The following CACNA1S variants were observed in gnomAD, a reference collection of about 807,000 sequenced individuals.
The protein encoded by CACNA1S is voltage-dependent L-type calcium channel subunit alpha-1S.
CACNA1S carries 126 observed loss-of-function variants against 207.4 expected under a neutral mutation model. The observed-to-expected ratio is 0.61, with a 90% CI of 0.53 to 0.70. The LOEUF (loss-of-function observed/expected upper bound fraction) is 0.70, where lower values mean the gene tolerates loss of function less well. CACNA1S is among the 30% of genes least tolerant of loss of function. CACNA1S has a pLI of 0.00. For missense variants in CACNA1S, 2,349 were observed against 2,422.8 expected (o/e 0.97, Z 0.64); for synonymous variants, 960 against 932.7 (o/e 1.03, Z -0.53).
At chr1:201,040,399 G>A (rs767208872) in intron 42 of CACNA1S, 25 bp from the exon 43 acceptor site, 1 of 1,611,064 alleles carries the variant, frequency 6.2e-7, no homozygotes, top group Admixed American at 1.7e-5. Flanking sequence ...CAAAAGCAAA[G>A]ACCCCGACAG....
chr1:201,055,856 A>G (rs1660821243), intron 28 of CACNA1S, among the ~76,000 whole-genome samples: 2 of 152,228 alleles, frequency 1.3e-5, no homozygotes, highest in Non-Finnish European at 2.9e-5. Context: ...CTGTTTTGAT[A>G]TATCCAGGCT....
At chr1:201,101,815 T>C (rs1445465922) in intron 2 of CACNA1S, among the ~76,000 whole-genome samples, 3 of 152,114 alleles carry the variant, frequency 2.0e-5, no homozygotes, top group Admixed American at 6.5e-5. Flanking sequence ...ACAGCTACAT[T>C]GGTCCTCAAT....
Position 201,110,174 on chromosome 1 carries a change from T to G in CACNA1S, c.248A>C (p.Asn83Thr). 4 of 1,613,922 alleles carry G rather than the reference T, an allele frequency of 2.5e-6. No homozygotes were observed. Among genetic ancestry groups the G allele is most frequent in the Non-Finnish European group, 3.4e-6 (4 of 1,179,928 alleles). Residue 83 changes from asparagine (N) to threonine (T), a missense_variant, in exon 2 of 44, where the codon AAC becomes ACC. By Grantham distance (65) the Asn-to-Thr change is moderately conservative. Coordinates refer to ENST00000362061, the MANE Select transcript of CACNA1S (RefSeq NM_000069.3). ...PMPEDDNNSL[N>T]LGLEKLEYFF... ...AAGGGCCAATCTTACCAGGCCGAGGTTCAGAGAGTTGTTGTCATCTTCCGG... is the reference window on the plus strand; with the variant it reads ...AAGGGCCAATCTTACCAGGCCGAGGGTCAGAGAGTTGTTGTCATCTTCCGG...
chr1:201,093,446 T>G (rs565827242), intron 3 of CACNA1S, among the ~76,000 whole-genome samples: 1 of 152,352 alleles, frequency 6.6e-6, no homozygotes, highest in East Asian at 1.9e-4. Context: ...AATGTTATTA[T>G]GGCAGCCCTA....
At chr1:201,072,288 A>G (rs544128804) in intron 16 of CACNA1S, among the ~76,000 whole-genome samples, 1 of 152,082 alleles carries the variant, frequency 6.6e-6, no homozygotes, top group African/African-American at 2.4e-5. Context: ...CTCCTCTTGG[A>G]CTTTCCCACA....
chr1:201,067,450 T>A (rs1412071874), intron 19 of CACNA1S, among the ~76,000 whole-genome samples: 1 of 152,206 alleles, frequency 6.6e-6, no homozygotes, highest in Non-Finnish European at 1.5e-5. Context: ...TCCCATCACC[T>A]GCCTTCTTGC....
At position 201,092,001 on chromosome 1, in the gene CACNA1S, C is replaced by T. The variant is rs772283176; in HGVS notation, c.512G>A (p.Arg171Lys). The change falls in exon 4 of 44, where the codon AGA becomes AAA. Residue 171 changes from arginine to lysine, a missense_variant. Coordinates refer to ENST00000362061, the MANE Select transcript of CACNA1S (RefSeq NM_000069.3). ...VKALRAFRVLRPLRLVSGVPS... is the reference protein window; with the variant it reads ...VKALRAFRVLKPLRLVSGVPS... ...CACCCCCGACACCAGCCGGAGGGGT[C>T]TGAGCACTCGGAAGGCTCTGAGGGC... The T allele has an allele frequency of 1.9e-6, 3 of 1,614,162 alleles. No homozygotes were observed. The South Asian group carries it at 3.3e-5, about 18-fold the overall frequency.
chr1:201,098,787 C>T (rs1027776293), intron 2 of CACNA1S, among the ~76,000 whole-genome samples: 1 of 152,138 alleles, frequency 6.6e-6, no homozygotes, highest in Non-Finnish European at 1.5e-5. Flanking sequence ...ACAGTGAGCC[C>T]GTCCAACTTC....
At chr1:201,088,164 C>A in intron 6 of CACNA1S, among the ~76,000 whole-genome samples, 2 of 152,256 alleles carry the variant, frequency 1.3e-5, no homozygotes, top group Middle Eastern at 6.8e-3. Context: ...CTACCTGGCC[C>A]GGGCAAGACT....
At chr1:201,104,839 C>A (rs1040049181) in intron 2 of CACNA1S, among the ~76,000 whole-genome samples, 19 of 152,210 alleles carry the variant, frequency 1.2e-4, no homozygotes, top group African/African-American at 3.4e-4. Context: ...GGAATGGTAA[C>A]CCTGCCCAAT....
At chr1:201,079,641 CA>C (rs1249704243) in intron 10 of CACNA1S, among the ~76,000 whole-genome samples, 1 of 148,672 alleles carries the variant, frequency 6.7e-6, no homozygotes, top group Admixed American at 6.9e-5. Flanking sequence ...TTTTCCTCAG[CA>C]GGCTTGACCT....
At position 201,047,228 on chromosome 1, in the gene CACNA1S, TC is replaced by T; in HGVS notation, c.4554del (p.Thr1519GlnfsTer19). On this transcript the variant is annotated frameshift_variant, in exon 38 of 44. Transcript: ENST00000362061. LOFTEE classifies it high-confidence loss of function. Reference protein sequence around the residue: ...QVIPPIGDDEVTVGKFYATFL... With the variant: ...QVIPPIGDDEXTVGKFYATFL... ...AATGTGGCGTAGAACTTCCCCACTG[TC>T]ACCTCATCATCTGCAGAGGAGCCAA... is the stretch of plus-strand genomic sequence containing the variant. 6.2e-7 allele frequency: 1 copy of T among 1,614,212 alleles called. No homozygotes were observed. The highest frequency in any genetic ancestry group is 8.5e-7 in the Non-Finnish European group (1 of 1,180,036).
In CACNA1S at chr1:201,062,419, C is replaced by T. The variant is rs201558830; in HGVS notation, c.2906+43G>A. On this transcript the variant is annotated intron_variant, in intron 23 of 43. Coordinates refer to ENST00000362061, the MANE Select transcript of CACNA1S (RefSeq NM_000069.3). ...TGCCCCGTGACTGTCCCACCATGCT[C>T]CCTGCCCCGTGACCGTCCCACTGTG... 7.1e-5 allele frequency: 113 copies of T among 1,592,834 alleles called. No homozygotes were observed. The African/African-American group carries it at 1.3e-3, about 18-fold the overall frequency.
At position 201,062,533 on chromosome 1, in the gene CACNA1S, AGG is replaced by A; in HGVS notation, c.2854-21_2854-20del. On this transcript the variant is annotated intron_variant, in intron 22 of 43. Coordinates refer to ENST00000362061, the MANE Select transcript of CACNA1S (RefSeq NM_000069.3). ...ACTTCCCCTGCAGCCAGGAAGAGGG[AGG>A]GAGGGAGGGAGGCATGTTGTCATGG... 1.4e-6 allele frequency: 1 copy of A among 724,972 alleles called. No individual in the cohort carries two copies. 44.9% of individuals were successfully genotyped at this position (724,972 alleles called of 1,614,324 possible).
chr1:201,059,729 A>G (rs554022020), intron 26 of CACNA1S, among the ~76,000 whole-genome samples: 2 of 152,192 alleles, frequency 1.3e-5, no homozygotes, highest in Admixed American at 6.5e-5. Flanking sequence ...AGTCCATGTT[A>G]TCACTGGCTA....
At chr1:201,082,425 T>C (rs1275485197) in intron 10 of CACNA1S, among the ~76,000 whole-genome samples, 1 of 152,228 alleles carries the variant, frequency 6.6e-6, no homozygotes, top group African/African-American at 2.4e-5. Context: ...GCAAAGTTCT[T>C]ACGGCTTCCT....
At chr1:201,082,297 G>C (rs1258762763) in intron 10 of CACNA1S, among the ~76,000 whole-genome samples, 1 of 151,978 alleles carries the variant, frequency 6.6e-6, no homozygotes, top group Non-Finnish European at 1.5e-5. Flanking sequence ...AAACTGCTGG[G>C]ATTACAGGCG....
intron 2 of CACNA1S, 114 bp downstream of exon 2, chr1:201,110,050 T>C (rs1663036923): frequency 9.4e-6 from 9 of 957,318 alleles, no homozygotes; most frequent in Non-Finnish European, 1.5e-5. Flanking sequence ...AGGGCCTGCA[T>C]CGTCAGGGAG....
Position 201,053,735 on chromosome 1 carries a change from C to A in CACNA1S, c.3667-148G>T. The A allele has an allele frequency of 1.2e-6, 1 of 825,834 alleles. No individual in the cohort carries two copies. The highest frequency in any genetic ancestry group is 1.9e-6 in the Non-Finnish European group (1 of 515,256). 51.2% of individuals were successfully genotyped at this position (825,834 alleles called of 1,614,324 possible). On this transcript the variant is annotated intron_variant, in intron 29 of 43. Coordinates refer to ENST00000362061, the MANE Select transcript of CACNA1S (RefSeq NM_000069.3). The surrounding 1 kb of genome is among the most constrained non-coding windows in gnomAD (Gnocchi z 5.1). Reference sequence around the variant, plus strand: ...CCCCGCCTCTGGCCCCTGCTGTCCACTAGTTCGGGACCATCCTTGGGCACA... The same window carrying A: ...CCCCGCCTCTGGCCCCTGCTGTCCAATAGTTCGGGACCATCCTTGGGCACA...
Sources: allele counts gnomAD v4.1 joint callset (sites outside exome capture counted in the v4.1 genomes callset), GRCh38; gene constraint gnomAD v4.1.1; non-coding constraint Gnocchi (gnomAD v3.1); transcripts MANE v1.5; gene names NCBI Gene and HGNC (gene_info 2026-07-23, HGNC 2026-07-21).